COL18A1: variants seen among roughly 807,000 people sequenced by gnomAD.
The protein encoded by COL18A1 is collagen type XVIII alpha 1 chain.
In COL18A1, 133 loss-of-function variants were observed where a neutral mutation model predicts 168.0. That is an observed-to-expected ratio of 0.79 (90% CI 0.69 to 0.91). The LOEUF (loss-of-function observed/expected upper bound fraction) is 0.91. COL18A1 is among the 40% of genes least tolerant of loss of function. The probability of loss-of-function intolerance (pLI) is 0.00; values close to 1 mark genes in which losing one functional copy is unlikely to be tolerated. For synonymous variants in COL18A1, 949 were observed against 809.0 expected (o/e 1.17, Z -2.94); for missense variants, 2,126 against 1,925.4 (o/e 1.10, Z -1.95).
In COL18A1 at chr21:45,445,952, G is replaced by A. The variant is rs190990241; in HGVS notation, c.107-22290G>A. Among the ~76,000 whole-genome samples the A allele has an allele frequency of 3.4e-3, 517 of 152,188 alleles. 3 individuals carry two copies. Among genetic ancestry groups the A allele is most frequent in the African/African-American group, 0.012 (498 of 41,522 alleles). On this transcript the variant is annotated intron_variant, in intron 2 of 41. Transcript: ENST00000651438. ...AGGCACAAAACTTTTAAGTTTTTAC[G>A]AAGTCCAATTTATTTTTCTTTTGTC...
At chr21:45,464,161 G>A (rs555280409) in intron 2 of COL18A1, among the ~76,000 whole-genome samples, 4 of 152,210 alleles carry the variant, frequency 2.6e-5, no homozygotes, top group East Asian at 3.9e-4. Context: ...CCCAGCCCTC[G>A]GGAGTAGCAC....
intron 40 of COL18A1, among the ~76,000 whole-genome samples, chr21:45,510,479 G>T (rs1372034535): frequency 6.6e-6 from 1 of 152,124 alleles, no homozygotes; most frequent in South Asian, 2.1e-4. Flanking sequence ...CGTCCCCCAG[G>T]GCATCCCATG....
intron 32 of COL18A1, among the ~76,000 whole-genome samples, chr21:45,499,999 T>C (rs1312992894): frequency 2.0e-5 from 3 of 152,156 alleles, no homozygotes; most frequent in African/African-American, 4.8e-5. Flanking sequence ...GGCTAAACCA[T>C]GTGCCGCTTA....
At chr21:45,475,845 G>A (rs928268543) in intron 5 of COL18A1, among the ~76,000 whole-genome samples, 2 of 152,248 alleles carry the variant, frequency 1.3e-5, no homozygotes, top group African/African-American at 2.4e-5. Flanking sequence ...CCATCCCTCC[G>A]TTAGCTCGTG....
chr21:45,474,797 ACCGTGG>A (rs2035582956), intron 4 of COL18A1, among the ~76,000 whole-genome samples: 1 of 58,626 alleles, frequency 1.7e-5, no homozygotes, highest in Non-Finnish European at 3.6e-5. Context: ...GGCAGGAGAC[ACCGTGG>A]CTGGACTGTG....
chr21:45,416,843 G>C (rs973324300), intron 2 of COL18A1, among the ~76,000 whole-genome samples: 1 of 151,870 alleles, frequency 6.6e-6, no homozygotes, highest in Non-Finnish European at 1.5e-5. Context: ...CCCTTCCCTC[G>C]TTCTGCATAT....
chr21:45,491,387 C>CG, intron 22 of COL18A1, 73 bp downstream of exon 22: 2 of 744,830 alleles, frequency 2.7e-6, no homozygotes, highest in Non-Finnish European at 4.8e-6. Flanking sequence ...CTCCCCGAGC[C>CG]CCCCCCACAC....
rs1252423364 is a variant in COL18A1, at chr21:45,457,355, C to T, written c.107-10887C>T. ...CGTGCTCGGGCCAAGGGTGCTGCCG[C>T]GTGGGCAGTGCAGAGACCCTACCAG... On this transcript the variant is annotated intron_variant, in intron 2 of 41. Coordinates refer to ENST00000651438, the MANE Select transcript of COL18A1 (RefSeq NM_001379500.1). This position sits in a 1 kb window ranked among gnomAD's most constrained non-coding sequence, Gnocchi z 4.6. 1.3e-5 allele frequency among the ~76,000 whole-genome samples: 2 copies of T among 152,186 alleles called. No individual in the cohort carries two copies. Among genetic ancestry groups the T allele is most frequent in the Admixed American group, 6.5e-5 (1 of 15,288 alleles).
chr21:45,478,696 C>T (rs1029544043), intron 9 of COL18A1, among the ~76,000 whole-genome samples: 4 of 151,986 alleles, frequency 2.6e-5, no homozygotes. Context: ...GAGGGAAGCA[C>T]GGGGCGACCT....
At chr21:45,502,724 C>T (rs1272420265) in intron 32 of COL18A1, 1 of 152,242 alleles carries the variant, frequency 6.6e-6, no homozygotes, top group Non-Finnish European at 1.5e-5. Context: ...CACAGCTTCA[C>T]CCTTGGAGAG....
rs1410291773 is a variant in COL18A1 at position 45,496,553 on chromosome 21, T to G, written c.2562T>G (p.Pro854=). Residue 854 remains proline (P), a synonymous_variant, in exon 30 of 42, where the codon CCT becomes CCG. Transcript: ENST00000651438. ...PPGPPGPPGT[P]VYDSNVFAES... ...GGCCCCCAGGCCCTCCAGGGACTCC[T>G]GTTTACGACAGCAATGTAAGTCCCC... 2.0e-6 allele frequency: 3 copies of G among 1,505,586 alleles called. No individual in the cohort carries two copies. The highest frequency in any genetic ancestry group is 2.8e-6 in the Non-Finnish European group (3 of 1,082,058). 93.3% of individuals were successfully genotyped at this position (1,505,586 alleles called of 1,614,324 possible).
At chr21:45,491,476 C>CGGTCAGAGACACCCTT (rs1568923358) in intron 22 of COL18A1, among the ~76,000 whole-genome samples, 162 bp downstream of exon 22, 1 of 151,510 alleles carries the variant, frequency 6.6e-6, no homozygotes, top group Non-Finnish European at 1.5e-5. Flanking sequence ...CAGACGCCCT[C>CGGTCAGAGACACCCTT]GGTCAGAGAC....
intron 2 of COL18A1, among the ~76,000 whole-genome samples, chr21:45,448,186 C>T (rs369491157): frequency 1.3e-5 from 2 of 152,192 alleles, no homozygotes; most frequent in Non-Finnish European, 2.9e-5. Flanking sequence ...GACGTTGATA[C>T]GATGATCAGA....
rs2037284595 is a variant in COL18A1, at chr21:45,507,466, A to AGGTGCTGGGGCGGGAGAGTCG, written c.3217-85_3217-65dup. On this transcript the variant is annotated intron_variant, in intron 37 of 41. Coordinates refer to ENST00000651438, the MANE Select transcript of COL18A1 (RefSeq NM_001379500.1). ...CACCCTCCTGTGGGCTGGGAGGGCC[A>AGGTGCTGGGGCGGGAGAGTCG]GGTGCTGGGGCGGGAGAGTCGGGTG... is the stretch of plus-strand genomic sequence containing the variant. 6 of 320,604 alleles carry AGGTGCTGGGGCGGGAGAGTCG rather than the reference A, an allele frequency of 1.9e-5. No individual in the cohort carries two copies. In the Admixed American group the frequency reaches 2.2e-4, roughly 11 times the overall value. 19.9% of individuals were successfully genotyped at this position (320,604 alleles called of 1,614,324 possible).
At chr21:45,484,481 CAT>C (rs1213096222) in intron 15 of COL18A1, among the ~76,000 whole-genome samples, 5 of 150,118 alleles carry the variant, frequency 3.3e-5, no homozygotes, top group African/African-American at 1.3e-4. Flanking sequence ...GCCTCTCCAG[CAT>C]ATGTGCACAC....
chr21:45,508,147 G>C (rs1403683167), intron 38 of COL18A1, among the ~76,000 whole-genome samples: 4 of 150,776 alleles, frequency 2.7e-5, no homozygotes, highest in Non-Finnish European at 5.9e-5. Context: ...GGATGGAAAG[G>C]TGGGTGAGTG....
intron 2 of COL18A1, among the ~76,000 whole-genome samples, chr21:45,450,450 G>T (rs77553780): frequency 1.3e-5 from 2 of 152,218 alleles, no homozygotes; most frequent in African/African-American, 4.8e-5. Flanking sequence ...TGAACAGCCC[G>T]GAGCCTCAAA....
intron 2 of COL18A1, among the ~76,000 whole-genome samples, chr21:45,432,852 C>G (rs1025762096): frequency 2.0e-5 from 3 of 152,188 alleles, no homozygotes; most frequent in African/African-American, 7.2e-5. Flanking sequence ...CTCGGTACAG[C>G]CGGGAGGGGC....
At chr21:45,418,815 C>T (rs1052054092) in intron 2 of COL18A1, among the ~76,000 whole-genome samples, 7 of 137,930 alleles carry the variant, frequency 5.1e-5, no homozygotes, top group East Asian at 2.1e-4. Flanking sequence ...CCCACCCCGA[C>T]CTCCTGTGCC....
Sources: gnomAD v4.1 joint callset for allele counts (sites outside exome capture counted in the v4.1 genomes callset) on GRCh38, gnomAD v4.1.1 for gene constraint, Gnocchi (gnomAD v3.1) non-coding constraint, MANE v1.5 for transcripts, NCBI Gene and HGNC (gene_info 2026-07-23, HGNC 2026-07-21) for gene names.